Variants in UNC45B observed in about 807,000 individuals in gnomAD.
The protein encoded by UNC45B is unc-45 myosin chaperone B.
A neutral mutation model predicts 98.7 loss-of-function variants in UNC45B; 78 were observed. The ratio of observed to expected loss-of-function variants is 0.79; its 90% CI spans 0.66 to 0.95. The LOEUF (loss-of-function observed/expected upper bound fraction) is 0.95, where lower values mean the gene tolerates loss of function less well. Among genes scored for constraint, UNC45B ranks in the 40% least tolerant of loss-of-function variants. UNC45B has a pLI of 0.00. For missense variants in UNC45B, 1,225 were observed against 1,184.9 expected, an observed-to-expected ratio of 1.03 and a Z score of -0.50; for synonymous variants, 462 against 480.4, an observed-to-expected ratio of 0.96 and a Z score of 0.50.
chr17:35,176,791 G>A (rs2092237018), intron 15 of UNC45B, among the ~76,000 whole-genome samples: 1 of 152,204 alleles, frequency 6.6e-6, no homozygotes, highest in Admixed American at 6.5e-5. Context: ...GGAATATTTA[G>A]GTGGGTGGGA....
Position 35,184,492 on chromosome 17 carries a change from C to G in UNC45B, c.2529+910C>G, listed in dbSNP as rs377341971. On this transcript the variant is annotated intron_variant, in intron 19 of 19. Coordinates refer to ENST00000394570, the MANE Select transcript of UNC45B (RefSeq NM_001267052.2). ...CCTAGAGCAGCCTCTGCTGGTGTCA[C>G]TGGTCACATAACTCTTGTTGCAGGT... Among the ~76,000 whole-genome samples, 4 of 152,230 alleles carry G rather than the reference C, an allele frequency of 2.6e-5. No homozygotes were observed. In the East Asian group the frequency reaches 5.8e-4, roughly 22 times the overall value.
At position 35,168,360 on chromosome 17, in the gene UNC45B, T is replaced by C. The variant is rs143843347; in HGVS notation, c.1451T>C (p.Val484Ala). The C allele has an allele frequency of 3.8e-5, 51 of 1,341,424 alleles. No individual in the cohort carries two copies. The African/African-American group carries it at 7.5e-4, about 20-fold the overall frequency. 83.1% of individuals were successfully genotyped at this position (1,341,424 alleles called of 1,614,324 possible). A position where few individuals can be genotyped will look rare whatever the true frequency, so the allele number is the denominator to read the frequency against. ...KNEKIKIRTLVGLCKLGSAGG... is the reference protein window; with the variant it reads ...KNEKIKIRTLAGLCKLGSAGG... Reference sequence around the variant, plus strand: ...GAGAAGATCAAGATCCGCACACTGGTGGTGAGTGGGCTCGGTACCACCCTC... The same window carrying C: ...GAGAAGATCAAGATCCGCACACTGGCGGTGAGTGGGCTCGGTACCACCCTC... Residue 484 changes from valine (V) to alanine (A), a missense_variant and splice_region_variant, in exon 10 of 20, where the codon GTG (valine) becomes GCG (alanine). By Grantham distance (64) the Val-to-Ala change is moderately conservative (BLOSUM62 0). Transcript: ENST00000394570.
intron 17 of UNC45B, among the ~76,000 whole-genome samples, 170 bp downstream of exon 17, chr17:35,177,780 A>G (rs946413816): frequency 7.9e-5 from 12 of 152,220 alleles, no homozygotes; most frequent in African/African-American, 2.9e-4. Flanking sequence ...ACCAAAGCCA[A>G]AAAATGCTAC....
In UNC45B at chr17:35,159,475, C is replaced by T. The variant is rs1268232569; in HGVS notation, c.909C>T (p.Leu303=). 6.2e-7 allele frequency: 1 copy of T among 1,614,078 alleles called. No homozygotes were observed. Residue 303 remains leucine, a synonymous_variant, in exon 8 of 20, where the codon CTC becomes CTT. Transcript: ENST00000394570. ...GQGRDQALNL[L]NKNVPRKDLA... is the part of the protein sequence containing the mutation. ...GCAGGGATCAGGCGCTGAACCTGCT[C>T]AATAAGAATGTTCCCAGGAAGGACC...
intron 17 of UNC45B, 75 bp downstream of exon 17, chr17:35,177,685 C>A: frequency 9.0e-7 from 1 of 1,111,980 alleles, no homozygotes; most frequent in Non-Finnish European, 1.3e-6. Flanking sequence ...ACATAATGTG[C>A]TGAGAATGCT....
chr17:35,171,489 G>T lies in UNC45B; in HGVS notation c.1830+27G>T, dbSNP rs199535812. 1.3e-4 allele frequency: 216 copies of T among 1,610,956 alleles called. 1 individual carries two copies. In the Middle Eastern group the frequency reaches 2.3e-3, roughly 17 times the overall value. On this transcript the variant is annotated intron_variant, in intron 13 of 19. Coordinates refer to ENST00000394570, the MANE Select transcript of UNC45B (RefSeq NM_001267052.2). ...TAGGGTCAGGCGCGACCCGGGAGGG[G>T]TCTGGTCTGTGCCACTAGGCCTCCA...
intron 3 of UNC45B, 102 bp downstream of exon 3, chr17:35,149,111 A>C (rs771034192): frequency 1.5e-6 from 2 of 1,361,608 alleles, no homozygotes; most frequent in Non-Finnish European, 2.1e-6. Flanking sequence ...GTGAGTATGG[A>C]GTGACTTCAG....
rs2092047613 is a variant in UNC45B at position 35,154,870 on chromosome 17, C to A, written c.639+129C>A. On this transcript the variant is annotated intron_variant, in intron 6 of 19. Transcript: ENST00000394570. ...AAAAAGTCAAAGGGTGCTCCAGTCT[C>A]TTTTTCCCTTTCAGTTGGAAATGGG... 4 of 1,067,552 alleles carry A rather than the reference C, an allele frequency of 3.7e-6. No homozygotes were observed. In the African/African-American group the frequency reaches 4.9e-5, roughly 13 times the overall value. 66.1% of individuals were successfully genotyped at this position (1,067,552 alleles called of 1,614,324 possible). A position where few individuals can be genotyped will look rare whatever the true frequency, so the allele number is the denominator to read the frequency against.
In UNC45B at chr17:35,147,875, A is replaced by G. The variant is rs2091984588; in HGVS notation, c.-36A>G. 5.4e-6 allele frequency: 1 copy of G among 185,046 alleles called. No homozygotes were observed. Among genetic ancestry groups the G allele is most frequent in the East Asian group, 1.5e-4 (1 of 6,466 alleles). 11.5% of individuals were successfully genotyped at this position (185,046 alleles called of 1,614,324 possible). The stretch of plus-strand genomic sequence containing the variant: ...GAGTGCTCAGGGGAGCAGCATCACA[A>G]GAGGGCAGATCGAAAGCATCGTCCT... On this transcript the variant is annotated 5_prime_UTR_variant, in exon 1 of 20. Transcript: ENST00000394570.
At chr17:35,159,342 C>T (rs1023763233) in intron 7 of UNC45B, 33 bp from the exon 8 acceptor site, 1 of 1,591,638 alleles carries the variant, frequency 6.3e-7, no homozygotes, top group Non-Finnish European at 8.6e-7. Context: ...ATTTCCTACC[C>T]CTCTCTACTT....
intron 6 of UNC45B, 48 bp from the exon 7 acceptor site, chr17:35,155,248 A>G: frequency 6.3e-7 from 1 of 1,599,966 alleles, no homozygotes; most frequent in Non-Finnish European, 8.5e-7. Flanking sequence ...CATGGCAGCT[A>G]GAAGGGAGGG....
chr17:35,163,968 T>G (rs754299931), intron 8 of UNC45B, 27 bp from the exon 9 acceptor site: 6 of 1,584,874 alleles, frequency 3.8e-6, no homozygotes, highest in Non-Finnish European at 5.1e-6. Context: ...AGCAGGAATC[T>G]TAGGCTTGCC....
intron 8 of UNC45B, among the ~76,000 whole-genome samples, 188 bp from the exon 9 acceptor site, chr17:35,163,807 T>C (rs564209685): frequency 6.6e-6 from 1 of 152,352 alleles, no homozygotes; most frequent in South Asian, 2.1e-4. Flanking sequence ...TTGGTCAAGC[T>C]GGGGGCAGTG....
chr17:35,182,140 A>T (rs1441004026), intron 18 of UNC45B, among the ~76,000 whole-genome samples: 2 of 149,370 alleles, frequency 1.3e-5, no homozygotes, highest in African/African-American at 2.5e-5. Flanking sequence ...CCCAGGGTAG[A>T]GTGCAGTGGT....
At chr17:35,154,357 A>G (rs1449161367) in intron 5 of UNC45B, among the ~76,000 whole-genome samples, 5 of 152,160 alleles carry the variant, frequency 3.3e-5, no homozygotes, top group South Asian at 2.1e-4. Flanking sequence ...TGGCTGCAAT[A>G]TATTTCATCC....
rs560204131 is a variant in UNC45B at position 35,148,395 on chromosome 17, G to A, written c.132G>A (p.Thr44=). 7.4e-6 allele frequency: 12 copies of A among 1,614,006 alleles called. No individual in the cohort carries two copies. Among genetic ancestry groups the A allele is most frequent in the East Asian group, 6.7e-5 (3 of 44,858 alleles). ...KLTKDKALLA[T]LYRNRAACGL... ...CCAAGGACAAGGCCCTGCTGGCCACGCTTTATCGGAACCGGGCAGCCTGTG... is the reference window on the plus strand; with the variant it reads ...CCAAGGACAAGGCCCTGCTGGCCACACTTTATCGGAACCGGGCAGCCTGTG... The change falls in exon 2 of 20, where the codon ACG becomes ACA. Residue 44 remains threonine (T), a synonymous_variant. Transcript: ENST00000394570.
chr17:35,181,924 C>T (rs2092276712), intron 18 of UNC45B, among the ~76,000 whole-genome samples: 1 of 151,468 alleles, frequency 6.6e-6, no homozygotes, highest in Admixed American at 6.6e-5. Flanking sequence ...AGGAGATGGG[C>T]GGGGAGGCTG....
chr17:35,178,754 T>C (rs1485640850), intron 17 of UNC45B, among the ~76,000 whole-genome samples: 3 of 152,268 alleles, frequency 2.0e-5, no homozygotes, highest in Non-Finnish European at 4.4e-5. Context: ...GCTTTCTACA[T>C]ATGGCTAGCT....
At chr17:35,185,459 C>T (rs776369402) in intron 19 of UNC45B, among the ~76,000 whole-genome samples, 11 of 152,070 alleles carry the variant, frequency 7.2e-5, no homozygotes, top group Non-Finnish European at 1.5e-4. Flanking sequence ...AGGCGTGCAC[C>T]ACCATGCCTG....
Sources: gnomAD v4.1 joint callset for allele counts (sites outside exome capture counted in the v4.1 genomes callset) on GRCh38, gnomAD v4.1.1 for gene constraint, MANE v1.5 for transcripts, NCBI Gene and HGNC (gene_info 2026-07-23, HGNC 2026-07-21) for gene names.